The following AFDN variants were observed in gnomAD, a reference collection of about 807,000 sequenced individuals.
The protein encoded by AFDN is afadin.
In AFDN, 68 loss-of-function variants were observed where a neutral mutation model predicts 216.6. The ratio of observed to expected loss-of-function variants is 0.31; its 90% CI spans 0.26 to 0.38. AFDN has a LOEUF of 0.38. Among genes scored for constraint, AFDN ranks in the 10% least tolerant of loss-of-function variants. The pLI is 1.00. For synonymous variants in AFDN, 868 were observed against 853.7 expected (o/e 1.02, Z -0.29); for missense variants, 2,136 against 2,342.0 (o/e 0.91, Z 1.82).
Position 167,970,278 on chromosome 6 carries a change from T to C in AFDN, c.*343T>C, listed in dbSNP as rs144052566. The C allele has an allele frequency of 3.5e-6, 1 of 283,726 alleles. No individual in the cohort carries two copies. The highest frequency in any genetic ancestry group is 2.2e-5 in the African/African-American group (1 of 45,738). 17.6% of individuals were successfully genotyped at this position (283,726 alleles called of 1,614,324 possible). ...AATGGATGTGTCTTCTCTCCCATCT[T>C]CCCCTCATCATCGACCGAGGAGCAC... is the stretch of plus-strand genomic sequence containing the variant. On this transcript the variant is annotated 3_prime_UTR_variant, in exon 34 of 34. Coordinates refer to ENST00000683244, the MANE Select transcript of AFDN (RefSeq NM_001386888.1).
chr6:167,902,092 C>CAAA (rs35449284), intron 11 of AFDN, among the ~76,000 whole-genome samples: 148 of 82,184 alleles, frequency 1.8e-3, no homozygotes, highest in Non-Finnish European at 2.7e-3. Flanking sequence ...GACTTCATCT[C>CAAA]AAAAAAAAAA....
At position 167,971,429 on chromosome 6, in the gene AFDN, AT is replaced by A. The variant is rs142861391; in HGVS notation, c.*1503del. 4.2e-4 allele frequency: 82 copies of A among 197,276 alleles called. No individual in the cohort carries two copies. The highest frequency in any genetic ancestry group is 1.7e-3 in the Middle Eastern group (1 of 596). The allele number at this position is 197,276 out of a possible 1,614,324, so 12.2% of individuals were successfully genotyped here. A position where few individuals can be genotyped will look rare whatever the true frequency, so the allele number is the denominator to read the frequency against. On this transcript the variant is annotated 3_prime_UTR_variant, in exon 34 of 34. Transcript: ENST00000683244. ...AATCATTAAAAATGCGAGTGTAAATATTTTTTTTTACCTCTATCAGGGTTTT... is the reference window on the plus strand; with the variant it reads ...AATCATTAAAAATGCGAGTGTAAATATTTTTTTTACCTCTATCAGGGTTTT...
intron 6 of AFDN, among the ~76,000 whole-genome samples, chr6:167,883,963 G>A (rs1041980011): frequency 2.6e-5 from 4 of 152,194 alleles, no homozygotes; most frequent in Non-Finnish European, 5.9e-5. Context: ...ATTGAAGTCA[G>A]TCCTCCCAAC....
chr6:167,952,402 AT>A, intron 30 of AFDN: 2 of 1,428,818 alleles, frequency 1.4e-6, no homozygotes, highest in Non-Finnish European at 1.8e-6. Context: ...TTTGACAAGT[AT>A]TAAATACAAT....
intron 4 of AFDN, 133 bp downstream of exon 4, chr6:167,872,510 T>G: frequency 1.1e-6 from 1 of 945,614 alleles, no homozygotes. Flanking sequence ...TTGGGTCTAC[T>G]CCCAGCTCTT....
intron 12 of AFDN, among the ~76,000 whole-genome samples, chr6:167,905,764 T>C (rs1789585537): frequency 6.6e-6 from 1 of 152,136 alleles, no homozygotes; most frequent in Non-Finnish European, 1.5e-5. Context: ...TTTTTAATAG[T>C]GTGTAAATAG....
intron 23 of AFDN, among the ~76,000 whole-genome samples, chr6:167,930,072 A>T (rs1026779142): frequency 2.6e-5 from 4 of 152,060 alleles, no homozygotes; most frequent in Non-Finnish European, 4.4e-5. Context: ...GAGTGTGATG[A>T]TGTGCGCCTG....
At chr6:167,888,593 T>G (rs1163184926) in intron 6 of AFDN, among the ~76,000 whole-genome samples, 1 of 152,144 alleles carries the variant, frequency 6.6e-6, no homozygotes, top group Non-Finnish European at 1.5e-5. Flanking sequence ...TTGGCTCTAG[T>G]AAAAATGTAA....
intron 5 of AFDN, among the ~76,000 whole-genome samples, chr6:167,878,333 A>G (rs1008113500): frequency 6.6e-6 from 1 of 151,962 alleles, no homozygotes; most frequent in Admixed American, 6.6e-5. Context: ...CCTATTGTAC[A>G]TCTTTTTTTT....
intron 31 of AFDN, chr6:167,963,584 A>C (rs1797248490): frequency 9.5e-7 from 1 of 1,057,938 alleles, no homozygotes; most frequent in Non-Finnish European, 1.1e-6. Context: ...ATGTGACTTC[A>C]CTTAAATGGA....
chr6:167,862,395 A>T (rs1382524730), intron 1 of AFDN, among the ~76,000 whole-genome samples: 14 of 147,296 alleles, frequency 9.5e-5, no homozygotes, highest in Non-Finnish European at 1.5e-4. Flanking sequence ...TTTTTTTTTT[A>T]GATGAAGTCT....
At position 167,890,956 on chromosome 6, in the gene AFDN, G is replaced by C. The variant is rs1486780445; in HGVS notation, c.1104G>C (p.Glu368Asp). 1 of 1,614,172 alleles carries C rather than the reference G, an allele frequency of 6.2e-7. No individual in the cohort carries two copies. The highest frequency in any genetic ancestry group is 8.5e-7 in the Non-Finnish European group (1 of 1,180,012). ...HLEGKTPKGK[E>D]RADGSGYGST... is the part of the protein sequence containing the mutation. ...AAGGCAAGACACCCAAGGGAAAGGA[G>C]AGAGCTGACGGGTCTGGCTATGGCT... The change falls in exon 8 of 34, where the codon GAG (glutamate) becomes GAC (aspartate). Residue 368 changes from glutamate (E) to aspartate (D), a missense_variant. Glu to Asp is a conservative substitution (Grantham distance 45). Around this residue, in one of 8 missense-constraint regions of AFDN, gnomAD observed 817 missense variants for 965.7 expected, o/e 0.85. Coordinates refer to ENST00000683244, the MANE Select transcript of AFDN (RefSeq NM_001386888.1).
intron 1 of AFDN, among the ~76,000 whole-genome samples, chr6:167,851,047 C>G (rs930872384): frequency 6.6e-6 from 1 of 152,160 alleles, no homozygotes; most frequent in Non-Finnish European, 1.5e-5. Flanking sequence ...CAACCTCCTG[C>G]TGGGGTTACA....
In AFDN at chr6:167,951,655, A is replaced by G; in HGVS notation, c.4301A>G (p.Glu1434Gly). 1 of 1,614,062 alleles carries G rather than the reference A, an allele frequency of 6.2e-7. No homozygotes were observed. The highest frequency in any genetic ancestry group is 8.5e-7 in the Non-Finnish European group (1 of 1,179,970). ...RWYEKEKARLEEERERKRREQ... is the reference protein window; with the variant it reads ...RWYEKEKARLGEERERKRREQ... ...TATGAGAAGGAGAAGGCCCGCCTGGAGGAGGAGCGGGAGAGGAAGCGGAGA... is the reference window on the plus strand; with the variant it reads ...TATGAGAAGGAGAAGGCCCGCCTGGGGGAGGAGCGGGAGAGGAAGCGGAGA... The change falls in exon 30 of 34, where the codon GAG (glutamate) becomes GGG (glycine). Residue 1434 changes from glutamate (E) to glycine (G), a missense_variant. Physicochemically the swap from Glu to Gly is moderately conservative, Grantham distance 98 (BLOSUM62 -2). This residue lies in a region of AFDN where 981 missense variants were observed against 966.0 expected (regional missense o/e 1.02). Transcript: ENST00000683244. This position sits in a 1 kb window ranked among gnomAD's most constrained non-coding sequence, Gnocchi z 7.1.
rs139214892 is a variant in AFDN at position 167,907,186 on chromosome 6, G to A, written c.1666G>A (p.Asp556Asn). The A allele has an allele frequency of 7.4e-5, 120 of 1,614,004 alleles. No homozygotes were observed. The highest frequency in any genetic ancestry group is 9.0e-5 in the Non-Finnish European group (106 of 1,179,982). The change falls in exon 13 of 34, where the codon GAC (aspartate) becomes AAC (asparagine). Residue 556 changes from aspartate (D) to asparagine (N), a missense_variant. By Grantham distance (23) the Asp-to-Asn change is conservative (BLOSUM62 1). This residue lies in a region of AFDN where 817 missense variants were observed against 965.7 expected (regional missense o/e 0.85). Transcript: ENST00000683244. ...LPTSKSTTRLDSDRVSSASST... is the reference protein window; with the variant it reads ...LPTSKSTTRLNSDRVSSASST... ...CTCCATGTAGAGCACCACTAGGCTG[G>A]ACAGCGACAGAGTGTCGTCTGCCTC...
At chr6:167,945,909 C>T (rs1168702552) in intron 26 of AFDN, among the ~76,000 whole-genome samples, 9 of 152,172 alleles carry the variant, frequency 5.9e-5, no homozygotes, top group Admixed American at 5.2e-4. Context: ...TATACATAGA[C>T]TTCTAAATAT....
intron 13 of AFDN, among the ~76,000 whole-genome samples, chr6:167,907,745 T>C (rs1330067184): frequency 6.6e-6 from 1 of 152,190 alleles, no homozygotes; most frequent in Non-Finnish European, 1.5e-5. Context: ...TGCTCTAATG[T>C]GATGTGTCTC....
At chr6:167,897,138 A>G (rs951627760) in intron 10 of AFDN, among the ~76,000 whole-genome samples, 166 bp downstream of exon 10, 1 of 152,206 alleles carries the variant, frequency 6.6e-6, no homozygotes, top group African/African-American at 2.4e-5. Context: ...TTAGTGTGGA[A>G]ACAGCAGAAT....
Position 167,889,337 on chromosome 6 carries a change from T to A in AFDN, c.1009+11T>A. The A allele has an allele frequency of 6.4e-7, 1 of 1,560,532 alleles. No homozygotes were observed. The highest frequency in any genetic ancestry group is 8.8e-7 in the Non-Finnish European group (1 of 1,131,546). On this transcript the variant is annotated intron_variant, in intron 7 of 33. Transcript: ENST00000683244. The stretch of plus-strand genomic sequence containing the variant: ...GGCCAAGTGACAAAGGTAGTAACCT[T>A]ATTAAAGGATTACTTACACCAGATT...
Sources: gnomAD v4.1 joint callset for allele counts (sites outside exome capture counted in the v4.1 genomes callset) on GRCh38, gnomAD v4.1.1 for gene constraint, gnomAD v4.1.1 regional missense constraint, Gnocchi (gnomAD v3.1) non-coding constraint, MANE v1.5 for transcripts, NCBI Gene and HGNC (gene_info 2026-07-23, HGNC 2026-07-21) for gene names.